Variants in CADM2 observed in about 807,000 individuals in gnomAD.
CADM2 encodes cell adhesion molecule 2.
CADM2 carries 12 observed loss-of-function variants against 49.8 expected under a neutral mutation model. That is an observed-to-expected ratio of 0.24 (90% CI 0.15 to 0.39). CADM2 has a LOEUF of 0.39. Among genes scored for constraint, CADM2 ranks in the 10% least tolerant of loss-of-function variants. CADM2 has a pLI of 1.00. For missense variants in CADM2, 378 were observed against 492.3 expected, an observed-to-expected ratio of 0.77 and a Z score of 2.20; for synonymous variants, 214 against 175.4, an observed-to-expected ratio of 1.22 and a Z score of -1.74.
rs190531743 is a variant in CADM2, at chr3:85,280,444, C to T, written c.61+320776C>T. Among the ~76,000 whole-genome samples, 234 of 151,676 alleles carry T rather than the reference C, an allele frequency of 1.5e-3. 1 individual carries two copies. The highest frequency in any genetic ancestry group is 5.3e-3 in the African/African-American group (221 of 41,444). On this transcript the variant is annotated intron_variant, in intron 1 of 9. Coordinates refer to ENST00000383699, the MANE Select transcript of CADM2 (RefSeq NM_001167675.2). ...ATATTCTTATTGAGATTCTCCTGTA[C>T]ATTCAAGTTGTTTTTCGCTTGCAAC... is the stretch of plus-strand genomic sequence containing the variant.
At chr3:86,014,979 C>G in intron 8 of CADM2, 1 of 1,257,766 alleles carries the variant, frequency 8.0e-7, no homozygotes, top group Non-Finnish European at 1.2e-6. Flanking sequence ...TTTGACAGAC[C>G]AAAGTTCGAG....
chr3:85,434,869 G>A (rs1457337553), intron 1 of CADM2, among the ~76,000 whole-genome samples: 1 of 152,022 alleles, frequency 6.6e-6, no homozygotes, highest in Non-Finnish European at 1.5e-5. Flanking sequence ...TTGCTGAGTC[G>A]CTTTGACTGT....
intron 8 of CADM2, among the ~76,000 whole-genome samples, chr3:86,054,557 G>C (rs535258321): frequency 1.8e-4 from 28 of 152,012 alleles, no homozygotes; most frequent in African/African-American, 6.3e-4. Flanking sequence ...CAGTCAATTG[G>C]TACAGCCTGA....
intron 8 of CADM2, among the ~76,000 whole-genome samples, chr3:86,037,597 A>G (rs1735323668): frequency 6.6e-6 from 1 of 152,166 alleles, no homozygotes. Flanking sequence ...CACCTATAAC[A>G]TATGAGCACA....
intron 1 of CADM2, among the ~76,000 whole-genome samples, chr3:85,175,605 A>G (rs1174318698): frequency 6.6e-6 from 1 of 152,130 alleles, no homozygotes; most frequent in Non-Finnish European, 1.5e-5. Flanking sequence ...ATGGGGAATC[A>G]TTCATTGTTT....
chr3:85,231,818 T>G (rs754214979), intron 1 of CADM2, among the ~76,000 whole-genome samples: 1 of 151,482 alleles, frequency 6.6e-6, no homozygotes, highest in Admixed American at 6.6e-5. Flanking sequence ...GTTCAAGTGA[T>G]TCTCCTTCCT....
At chr3:85,868,125 G>A (rs1577516067) in intron 3 of CADM2, among the ~76,000 whole-genome samples, 1 of 151,870 alleles carries the variant, frequency 6.6e-6, no homozygotes, top group African/African-American at 2.4e-5. Context: ...ATTCAGAAAA[G>A]CTCAAAGAAG....
chr3:85,428,543 T>C (rs1305809627), intron 1 of CADM2, among the ~76,000 whole-genome samples: 1 of 144,934 alleles, frequency 6.9e-6, no homozygotes, highest in East Asian at 2.0e-4. Context: ...CACACATAAA[T>C]AAATAATATA....
chr3:85,237,554 A>G (rs2042435068), intron 1 of CADM2, among the ~76,000 whole-genome samples: 1 of 151,272 alleles, frequency 6.6e-6, no homozygotes, highest in Non-Finnish European at 1.5e-5. Flanking sequence ...ATATATAAAT[A>G]CATAAATATA....
intron 1 of CADM2, among the ~76,000 whole-genome samples, chr3:85,555,070 GA>G (rs5850695): frequency 0.51 from 77,652 of 150,812 alleles, 22,982 homozygotes; most frequent in East Asian, 0.85. Flanking sequence ...GGTGATCTAG[GA>G]AAAAAAAATC....
intron 1 of CADM2, among the ~76,000 whole-genome samples, chr3:85,334,579 C>T (rs1308048354): frequency 6.6e-6 from 1 of 151,420 alleles, no homozygotes; most frequent in Non-Finnish European, 1.5e-5. Flanking sequence ...TCAACTTGAC[C>T]TTAAGCAATT....
intron 1 of CADM2, among the ~76,000 whole-genome samples, chr3:85,515,890 T>C (rs1375695491): frequency 6.6e-6 from 1 of 152,158 alleles, no homozygotes; most frequent in East Asian, 1.9e-4. Flanking sequence ...CATATTTCCT[T>C]ATTCTAAAAT....
rs915944026 is a variant in CADM2, at chr3:85,231,886, AT to A, written c.61+272226del. On this transcript the variant is annotated intron_variant, in intron 1 of 9. Transcript: ENST00000383699. ...CGCACCACACCCGACTAATTTTTGT[AT>A]TTTTTTTAGTAGAGATGGGGTTTCA... 2.7e-5 allele frequency among the ~76,000 whole-genome samples: 4 copies of A among 150,050 alleles called. No homozygotes were observed. In the South Asian group the frequency reaches 6.3e-4, roughly 24 times the overall value.
chr3:85,050,663 G>T (rs2035848053), intron 1 of CADM2, among the ~76,000 whole-genome samples: 1 of 152,132 alleles, frequency 6.6e-6, no homozygotes, highest in Non-Finnish European at 1.5e-5. Context: ...TGCATTTCTA[G>T]AATGGAATTA....
At chr3:85,100,456 A>G (rs1395885595) in intron 1 of CADM2, among the ~76,000 whole-genome samples, 1 of 152,202 alleles carries the variant, frequency 6.6e-6, no homozygotes, top group Non-Finnish European at 1.5e-5. Flanking sequence ...TAATGCATTG[A>G]AAAATAAAGC....
chr3:86,054,208 A>G (rs1358417183), intron 8 of CADM2, among the ~76,000 whole-genome samples: 1 of 151,420 alleles, frequency 6.6e-6, no homozygotes, highest in Admixed American at 6.6e-5. Flanking sequence ...ATAATGATAT[A>G]TGGAAAAGAC....
chr3:85,821,984 C>T (rs1441401881), intron 3 of CADM2, among the ~76,000 whole-genome samples: 1 of 151,994 alleles, frequency 6.6e-6, no homozygotes, highest in African/African-American at 2.4e-5. Flanking sequence ...GAACTAAACA[C>T]AAAGTTATGA....
At chr3:85,237,260 C>G (rs1461055723) in intron 1 of CADM2, among the ~76,000 whole-genome samples, 1 of 151,678 alleles carries the variant, frequency 6.6e-6, no homozygotes, top group African/African-American at 2.4e-5. Flanking sequence ...AACTTTTAGT[C>G]ATAATTATAA....
chr3:84,967,979 T>C (rs2031137348), intron 1 of CADM2, among the ~76,000 whole-genome samples: 1 of 152,068 alleles, frequency 6.6e-6, no homozygotes, highest in South Asian at 2.1e-4. Context: ...TAGCATATGC[T>C]AGGCTGAGTA....
Sources: allele counts gnomAD v4.1 joint callset (sites outside exome capture counted in the v4.1 genomes callset), GRCh38; gene constraint gnomAD v4.1.1; transcripts MANE v1.5; gene names NCBI Gene and HGNC (gene_info 2026-07-23, HGNC 2026-07-21).